Variants in ERI1 observed in about 807,000 individuals in gnomAD.
ERI1 encodes 3'-5' exoribonuclease 1.
Under a neutral mutation model 39.7 loss-of-function variants are expected in ERI1, and 39 were observed. The ratio of observed to expected loss-of-function variants is 0.98; its 90% confidence interval spans 0.76 to 1.28. The LOEUF is 1.28. ERI1 is among the 50% of genes most tolerant of loss of function. The pLI is 0.00. For missense variants in ERI1, 581 were observed against 416.9 expected, an observed-to-expected ratio of 1.39 and a Z score of -3.43; for synonymous variants, 204 against 149.6, an observed-to-expected ratio of 1.36 and a Z score of -2.65.
intron 6 of ERI1, among the ~76,000 whole-genome samples, chr8:9,028,988 T>G (rs977529970): frequency 4.0e-5 from 6 of 150,584 alleles, no homozygotes; most frequent in African/African-American, 1.5e-4. Context: ...TTTTTTTTTT[T>G]TTTTTTTTTA....
chr8:9,003,264 G>A (rs565349646), intron 1 of ERI1, 93 bp downstream of exon 1: 11 of 765,134 alleles, frequency 1.4e-5, no homozygotes, highest in African/African-American at 1.4e-4. Context: ...TCCCGCAGAA[G>A]GTGCAGCTGT....
chr8:9,056,532 A>T lies in ERI1; in HGVS notation n.299+36068A>T, dbSNP rs541533621. ...TAAGTAAAATATTTGTCCAAAAAAGATGTTTCCACATTTAAGGTAAATTCC... is the reference window on the plus strand; with the variant it reads ...TAAGTAAAATATTTGTCCAAAAAAGTTGTTTCCACATTTAAGGTAAATTCC... On this transcript the variant is annotated intron_variant and non_coding_transcript_variant, in intron 3 of 3. Coordinates refer to the ERI1 transcript ENST00000518663. Among the ~76,000 whole-genome samples, 24 of 152,120 alleles carry T rather than the reference A, an allele frequency of 1.6e-4. No homozygotes were observed. The East Asian group carries it at 4.6e-3, about 29-fold the overall frequency.
chr8:9,037,948 G>A (rs1300503324), downstream of ERI1, among the ~76,000 whole-genome samples: 1 of 149,340 alleles, frequency 6.7e-6, no homozygotes, highest in Non-Finnish European at 1.5e-5. Flanking sequence ...AAGGTCATTG[G>A]TTGCCTTTCC....
At position 9,009,048 on chromosome 8, in the gene ERI1, A is replaced by G. The variant is rs191485753; in HGVS notation, c.287+900A>G. 1,388 of 456,304 alleles carry G rather than the reference A, an allele frequency of 3.0e-3. 16 individuals are homozygous for G. The highest frequency in any genetic ancestry group is 0.026 in the African/African-American group (1,306 of 50,206). 28.3% of individuals were successfully genotyped at this position (456,304 alleles called of 1,614,324 possible). On this transcript the variant is annotated intron_variant, in intron 2 of 6. Transcript: ENST00000250263. Reference sequence around the variant, plus strand: ...GTTATGAAGGTACAACTTGTAGCCTACAGAAGATTTTCCGAGCAAAATTTT... The same window carrying G: ...GTTATGAAGGTACAACTTGTAGCCTGCAGAAGATTTTCCGAGCAAAATTTT...
At chr8:9,077,310 A>G (rs1799239060) in intron 3 of ERI1, among the ~76,000 whole-genome samples, 3 of 152,166 alleles carry the variant, frequency 2.0e-5, no homozygotes, top group Admixed American at 1.3e-4. Context: ...CACCTGTTTC[A>G]TGAAACCTAT....
In ERI1 at chr8:9,003,790, G is replaced by A. The variant is rs534093868; in HGVS notation, c.108+619G>A. ...TAACGAATGTTAATTGTTGACTAGC[G>A]CTGCGGATTGTAAGTGATTGAATAC... On this transcript the variant is annotated intron_variant, in intron 1 of 6. Coordinates refer to ENST00000250263, the MANE Select transcript of ERI1 (RefSeq NM_153332.4). Among the ~76,000 whole-genome samples the A allele has an allele frequency of 2.0e-5, 3 of 152,284 alleles. No individual in the cohort carries two copies. In the South Asian group the frequency reaches 6.2e-4, roughly 32 times the overall value.
At chr8:9,040,743 G>C (rs1223659539) in intron 3 of ERI1, among the ~76,000 whole-genome samples, 1 of 151,228 alleles carries the variant, frequency 6.6e-6, no homozygotes, top group Non-Finnish European at 1.5e-5. Context: ...GGGGGGGTGT[G>C]TGTTAGTTCA....
At chr8:9,061,068 T>C (rs1429076240) in intron 3 of ERI1, among the ~76,000 whole-genome samples, 1 of 152,140 alleles carries the variant, frequency 6.6e-6, no homozygotes, top group Non-Finnish European at 1.5e-5. Context: ...GGCAACTAAT[T>C]CGGTTTGTTC....
intron 3 of ERI1, among the ~76,000 whole-genome samples, chr8:9,046,715 A>C (rs187345467): frequency 2.6e-5 from 4 of 152,350 alleles, no homozygotes; most frequent in Non-Finnish European, 5.9e-5. Context: ...TTATGCAGCT[A>C]TTAGCTTGGT....
At chr8:9,036,830 A>G (rs928432682), downstream of ERI1, among the ~76,000 whole-genome samples, 4 of 152,170 alleles carry the variant, frequency 2.6e-5, no homozygotes, top group East Asian at 3.9e-4. Flanking sequence ...TGAAGTGTCC[A>G]TTCTTGCTTG....
chr8:9,023,726 G>T (rs1391599202), intron 6 of ERI1, among the ~76,000 whole-genome samples: 1 of 144,818 alleles, frequency 6.9e-6, no homozygotes, highest in South Asian at 2.2e-4. Flanking sequence ...AGTTTCTGCT[G>T]TATATAATGC....
At chr8:9,016,909 A>G (rs993436002) in intron 4 of ERI1, among the ~76,000 whole-genome samples, 1 of 152,136 alleles carries the variant, frequency 6.6e-6, no homozygotes, top group African/African-American at 2.4e-5. Context: ...CTGGTCTCGA[A>G]CACCTAACCT....
intron 3 of ERI1, among the ~76,000 whole-genome samples, chr8:9,076,504 G>C (rs1211444194): frequency 6.6e-6 from 1 of 152,206 alleles, no homozygotes; most frequent in African/African-American, 2.4e-5. Context: ...TCTGGGCCTT[G>C]AACTTGACTT....
intron 3 of ERI1, among the ~76,000 whole-genome samples, chr8:9,080,273 C>A (rs1343477313): frequency 6.6e-6 from 1 of 152,166 alleles, no homozygotes; most frequent in Non-Finnish European, 1.5e-5. Flanking sequence ...AGATCAAAGT[C>A]CATTTATTTT....
intron 6 of ERI1, among the ~76,000 whole-genome samples, chr8:9,026,829 A>G (rs1797199591): frequency 6.6e-6 from 1 of 151,696 alleles, no homozygotes; most frequent in African/African-American, 2.4e-5. Context: ...CAAGCATTTC[A>G]GATAAGGAAT....
In ERI1 at chr8:9,031,744, C is replaced by G. The variant is rs1259950779; in HGVS notation, c.*1710C>G. The G allele has an allele frequency of 1.3e-5, 2 of 152,124 alleles. No homozygotes were observed. The highest frequency in any genetic ancestry group is 1.9e-4 in the East Asian group (1 of 5,196). The allele number at this position is 152,124 out of a possible 1,614,324, so 9.4% of individuals were successfully genotyped here. The stretch of plus-strand genomic sequence containing the variant: ...TTTAAGAACTTCAACATTATAAGCT[C>G]TCAGTACCCTATTTTGTTGTTGTTG... On this transcript the variant is annotated 3_prime_UTR_variant, in exon 7 of 7. Transcript: ENST00000250263.
At position 9,030,229 on chromosome 8, in the gene ERI1, C is replaced by G; in HGVS notation, c.*195C>G. On this transcript the variant is annotated 3_prime_UTR_variant, in exon 7 of 7. Coordinates refer to ENST00000250263, the MANE Select transcript of ERI1 (RefSeq NM_153332.4). The stretch of plus-strand genomic sequence containing the variant: ...CATACTGAATTCTTTGTCACCAGCA[C>G]TTTTGATATGAACAGTATTCGTTAC... The G allele has an allele frequency of 1.5e-6, 1 of 658,328 alleles. No individual in the cohort carries two copies. The highest frequency in any genetic ancestry group is 2.8e-5 in the East Asian group (1 of 35,846). 40.8% of individuals were successfully genotyped at this position (658,328 alleles called of 1,614,324 possible).
intron 1 of ERI1, among the ~76,000 whole-genome samples, chr8:9,006,145 TA>T (rs1033389695): frequency 9.2e-5 from 14 of 152,250 alleles, no homozygotes; most frequent in Non-Finnish European, 1.5e-4. Context: ...GGGTTTTTAG[TA>T]TTTTCTTTCT....
chr8:9,039,823 T>C (rs1017631637), intron 3 of ERI1, among the ~76,000 whole-genome samples: 1 of 152,210 alleles, frequency 6.6e-6, no homozygotes, highest in Admixed American at 6.5e-5. Flanking sequence ...ATTTCCCATT[T>C]CATAAGATGA....
Sources: gnomAD v4.1 joint callset for allele counts (sites outside exome capture counted in the v4.1 genomes callset) on GRCh38, gnomAD v4.1.1 for gene constraint, MANE v1.5 for transcripts, NCBI Gene and HGNC (gene_info 2026-07-23, HGNC 2026-07-21) for gene names.